The following SANBR variants were observed in gnomAD, a reference collection of about 807,000 sequenced individuals.
SANBR encodes SANT and BTB domain regulator of class switch recombination.
A neutral mutation model predicts 101.8 loss-of-function variants in SANBR; 77 were observed. That is an observed-to-expected ratio of 0.76 (90% CI 0.63 to 0.91). SANBR has a LOEUF of 0.91. Among genes scored for constraint, SANBR ranks in the 40% least tolerant of loss-of-function variants. The pLI is 0.00. For missense variants in SANBR, 875 were observed against 853.0 expected (o/e 1.03, Z -0.32); for synonymous variants, 279 against 274.7 (o/e 1.02, Z -0.15).
chr2:61,105,084 A>G (rs1683490296), intron 13 of SANBR, among the ~76,000 whole-genome samples: 1 of 151,114 alleles, frequency 6.6e-6, no homozygotes. Flanking sequence ...GGACACTTTA[A>G]AAGAGGCTGT....
intron 16 of SANBR, among the ~76,000 whole-genome samples, chr2:61,112,876 C>G (rs1308404108): frequency 6.6e-6 from 1 of 152,062 alleles, no homozygotes; most frequent in Non-Finnish European, 1.5e-5. Context: ...TTTTATGTTC[C>G]ATTATTTAAT....
intron 8 of SANBR, among the ~76,000 whole-genome samples, chr2:61,086,498 G>A (rs1682438313): frequency 2.0e-5 from 3 of 152,084 alleles, no homozygotes; most frequent in Admixed American, 6.6e-5. Flanking sequence ...AGGAGAAGTA[G>A]CCAGTTAAGA....
At chr2:61,109,510 C>T (rs1683719625) in intron 16 of SANBR, among the ~76,000 whole-genome samples, 1 of 152,064 alleles carries the variant, frequency 6.6e-6, no homozygotes, top group African/African-American at 2.4e-5. Context: ...TGAGAAAGAA[C>T]TCTCCAGGTT....
intron 7 of SANBR, among the ~76,000 whole-genome samples, chr2:61,081,924 C>G (rs569781343): frequency 6.6e-6 from 1 of 152,010 alleles, no homozygotes; most frequent in Non-Finnish European, 1.5e-5. Context: ...GCTGGAATTA[C>G]AAGTGTGAGC....
intron 1 of SANBR, chr2:61,066,524 C>G (rs868060845): frequency 6.6e-6 from 1 of 152,568 alleles, no homozygotes; most frequent in South Asian, 2.1e-4. Context: ...CAGCTGACTC[C>G]GATCTCCTGT....
At position 61,081,434 on chromosome 2, in the gene SANBR, A is replaced by AT. The variant is rs74706756; in HGVS notation, c.671-3dup. ...GGGTACCCATCAAAAGGGTAATCTA[A>AT]TTTTTTTTTTTTTTTAGAGCCAGGA... On this transcript the variant is annotated splice_polypyrimidine_tract_variant and intron_variant, in intron 6 of 21. Coordinates refer to ENST00000402291, the MANE Select transcript of SANBR (RefSeq NM_001129993.3). 0.088 allele frequency: 116,073 copies of AT among 1,317,722 alleles called. No homozygotes were observed. The highest frequency in any genetic ancestry group is 0.093 in the Non-Finnish European group (89,387 of 964,946). 81.6% of individuals were successfully genotyped at this position (1,317,722 alleles called of 1,614,324 possible). A position where few individuals can be genotyped will look rare whatever the true frequency, so the allele number is the denominator to read the frequency against.
chr2:61,096,609 T>A (rs937184052), intron 11 of SANBR, among the ~76,000 whole-genome samples: 3 of 152,156 alleles, frequency 2.0e-5, no homozygotes, highest in Non-Finnish European at 4.4e-5. Context: ...AGATGGGATC[T>A]TGCTACATTG....
intron 16 of SANBR, among the ~76,000 whole-genome samples, chr2:61,115,070 A>G (rs553011349): frequency 6.6e-5 from 10 of 152,334 alleles, no homozygotes; most frequent in African/African-American, 2.4e-4. Flanking sequence ...GACATTAGAA[A>G]ATGAGTGACA....
In SANBR at chr2:61,076,553, G is replaced by A. The variant is rs1347883133; in HGVS notation, c.432-367G>A. 2.7e-5 allele frequency among the ~76,000 whole-genome samples: 4 copies of A among 149,900 alleles called. No homozygotes were observed. The South Asian group carries it at 6.3e-4, about 24-fold the overall frequency. ...TGAGGCAGGAGAATGGCATGAACCCGGGAGGCGGAGCTTACAGTGAGCCGA... is the reference window on the plus strand; with the variant it reads ...TGAGGCAGGAGAATGGCATGAACCCAGGAGGCGGAGCTTACAGTGAGCCGA... On this transcript the variant is annotated intron_variant, in intron 5 of 21. Coordinates refer to ENST00000402291, the MANE Select transcript of SANBR (RefSeq NM_001129993.3).
chr2:61,121,588 C>T (rs1055005639), intron 21 of SANBR: 8 of 208,644 alleles, frequency 3.8e-5, no homozygotes, highest in African/African-American at 1.9e-4. Flanking sequence ...TTGTAGATCA[C>T]ATATTAATAC....
chr2:61,091,064 T>G (rs1244463599), intron 10 of SANBR, among the ~76,000 whole-genome samples: 7 of 152,112 alleles, frequency 4.6e-5, no homozygotes, highest in African/African-American at 1.4e-4. Context: ...GGCCTAAAAT[T>G]ACTTTTAAGA....
downstream of SANBR, among the ~76,000 whole-genome samples, chr2:61,128,775 T>C (rs1355733752): frequency 3.9e-5 from 6 of 152,254 alleles, no homozygotes; most frequent in East Asian, 1.2e-3. Flanking sequence ...ATTACTAGCG[T>C]GAGCCACCGT....
intron 8 of SANBR, among the ~76,000 whole-genome samples, chr2:61,086,110 T>C (rs1451936047): frequency 6.6e-6 from 1 of 152,168 alleles, no homozygotes; most frequent in African/African-American, 2.4e-5. Flanking sequence ...CCTTAATTTA[T>C]TTCACCAATG....
rs1230902291 is a variant in SANBR, at chr2:61,109,274, A to G, written c.1722A>G (p.Glu574=). Residue 574 remains glutamate (E), a synonymous_variant, in exon 16 of 22, where the codon GAA becomes GAG. Coordinates refer to ENST00000402291, the MANE Select transcript of SANBR (RefSeq NM_001129993.3). The stretch of plus-strand genomic sequence containing the variant: ...TCACTGAAGATGAAGTTGGAGATGA[A>G]GAAGAAGTATCCAAGAAACAAAGTA... ...SEVTEDEVGD[E]EEVSKKQRKK... 1 of 1,570,858 alleles carries G rather than the reference A, an allele frequency of 6.4e-7. No individual in the cohort carries two copies. The highest frequency in any genetic ancestry group is 2.3e-5 in the East Asian group (1 of 43,750).
At chr2:61,126,815 A>G (rs1341167852), downstream of SANBR, among the ~76,000 whole-genome samples, 1 of 151,220 alleles carries the variant, frequency 6.6e-6, no homozygotes, top group East Asian at 1.9e-4. Flanking sequence ...CTAGTCCTAC[A>G]TGGCCTACCC....
At chr2:61,104,112 A>G in intron 13 of SANBR, 114 bp downstream of exon 13, 4 of 872,938 alleles carry the variant, frequency 4.6e-6, no homozygotes, top group Non-Finnish European at 7.1e-6. Flanking sequence ...TCATTATTTC[A>G]GAAAACTTAA....
intron 16 of SANBR, among the ~76,000 whole-genome samples, chr2:61,111,150 T>C (rs1683811657): frequency 6.6e-6 from 1 of 152,074 alleles, no homozygotes; most frequent in South Asian, 2.1e-4. Flanking sequence ...TCCCAGCACT[T>C]TGGGAGGCCG....
At chr2:61,073,425 T>C (rs1209867380) in intron 4 of SANBR, 33 bp from the exon 5 acceptor site, 2 of 1,129,000 alleles carry the variant, frequency 1.8e-6, no homozygotes, top group Non-Finnish European at 2.6e-6. Context: ...CCCCACCTTT[T>C]TTTTTTTGTA....
intron 4 of SANBR, among the ~76,000 whole-genome samples, chr2:61,072,046 T>C (rs1043817979): frequency 2.0e-5 from 3 of 152,064 alleles, no homozygotes; most frequent in African/African-American, 7.2e-5. Flanking sequence ...CAAGAGATCC[T>C]CCTGCCTCAG....
Sources: allele counts gnomAD v4.1 joint callset (sites outside exome capture counted in the v4.1 genomes callset), GRCh38; gene constraint gnomAD v4.1.1; transcripts MANE v1.5; gene names NCBI Gene and HGNC (gene_info 2026-07-23, HGNC 2026-07-21).